KLHL6: variants seen among roughly 807,000 people sequenced by gnomAD.
The protein encoded by KLHL6 is kelch like family member 6.
A neutral mutation model predicts 58.6 loss-of-function variants in KLHL6; 41 were observed. That is an observed-to-expected ratio of 0.70 (90% CI 0.55 to 0.91). The LOEUF is 0.91. KLHL6 is among the 40% of genes least tolerant of loss of function. KLHL6 has a pLI of 0.00. For missense variants in KLHL6, 714 were observed against 805.6 expected (o/e 0.89, Z 1.38); for synonymous variants, 338 against 322.7 (o/e 1.05, Z -0.51).
At chr3:183,518,981 G>A (rs376929642) in intron 2 of KLHL6, among the ~76,000 whole-genome samples, 1 of 152,164 alleles carries the variant, frequency 6.6e-6, no homozygotes. Context: ...AGAGTGAGGG[G>A]GATGCTAAAC....
chr3:183,522,542 G>A (rs1577191330), intron 2 of KLHL6: 1 of 152,214 alleles, frequency 6.6e-6, no homozygotes, highest in African/African-American at 2.4e-5. Flanking sequence ...TGCCTAGATT[G>A]ACTGGCTTCT....
intron 4 of KLHL6, among the ~76,000 whole-genome samples, chr3:183,494,628 G>A (rs773894840): frequency 4.6e-5 from 7 of 152,214 alleles, no homozygotes; most frequent in African/African-American, 4.8e-5. Context: ...TGGACTCAGT[G>A]TTTGCCCTCA....
intron 4 of KLHL6, among the ~76,000 whole-genome samples, chr3:183,498,933 G>GCGTA (rs1168069229): frequency 6.6e-6 from 1 of 152,224 alleles, no homozygotes; most frequent in Non-Finnish European, 1.5e-5. Context: ...AATTCCCACT[G>GCGTA]CGTAGCTCAG....
chr3:183,495,111 A>G (rs2108663897), intron 4 of KLHL6, among the ~76,000 whole-genome samples: 1 of 152,330 alleles, frequency 6.6e-6, no homozygotes, highest in East Asian at 1.9e-4. Context: ...CATGTGTGCA[A>G]TAGTGGAGAA....
intron 2 of KLHL6, among the ~76,000 whole-genome samples, chr3:183,516,382 G>A (rs778760643): frequency 5.9e-5 from 9 of 152,194 alleles, no homozygotes; most frequent in African/African-American, 9.6e-5. Flanking sequence ...GGCCTGTCCC[G>A]ATGACACATG....
rs867791109 is a variant in KLHL6 at position 183,496,575 on chromosome 3, T to C, written c.1148-2294A>G. Among the ~76,000 whole-genome samples, 3 of 152,358 alleles carry C rather than the reference T, an allele frequency of 2.0e-5. 1 individual carries two copies. The highest frequency in any genetic ancestry group is 7.2e-5 in the African/African-American group (3 of 41,586). On this transcript the variant is annotated intron_variant, in intron 4 of 6. Transcript: ENST00000341319. ...CAAAAAAAGAAAGCTAAAAAAATTA[T>C]GGTTTATCCATTTGGTAGACTGCCA...
At chr3:183,510,262 T>C (rs1718143165) in intron 2 of KLHL6, among the ~76,000 whole-genome samples, 1 of 122,952 alleles carries the variant, frequency 8.1e-6, no homozygotes, top group Admixed American at 1.1e-4. Flanking sequence ...GTTGATCGAT[T>C]AATGGGGGGA....
intron 5 of KLHL6, chr3:183,493,716 G>C (rs1220181474): frequency 7.3e-6 from 2 of 275,096 alleles, no homozygotes; most frequent in African/African-American, 2.2e-5. Context: ...CATGTGTCCA[G>C]TGTGGAGAAG....
chr3:183,532,916 G>A (rs1712206662), intron 1 of KLHL6, among the ~76,000 whole-genome samples: 1 of 152,204 alleles, frequency 6.6e-6, no homozygotes, highest in Admixed American at 6.5e-5. Flanking sequence ...TGCCACTAGA[G>A]TCAAGTATCA....
rs115500013 is a variant in KLHL6 at position 183,515,209 on chromosome 3, C to T, written c.460-6701G>A. Among the ~76,000 whole-genome samples, 234 of 152,240 alleles carry T rather than the reference C, an allele frequency of 1.5e-3. 1 individual carries two copies. Among genetic ancestry groups the T allele is most frequent in the African/African-American group, 4.7e-3 (195 of 41,558 alleles). ...GAAGAGAGCCAGAGTCTTGACTAGA[C>T]GGTGCTTGGAACCCCACCTCTGGAC... On this transcript the variant is annotated intron_variant, in intron 2 of 6. Coordinates refer to ENST00000341319, the MANE Select transcript of KLHL6 (RefSeq NM_130446.4).
intron 1 of KLHL6, among the ~76,000 whole-genome samples, chr3:183,551,447 A>G (rs1432676174): frequency 6.6e-6 from 1 of 152,256 alleles, no homozygotes; most frequent in Non-Finnish European, 1.5e-5. Flanking sequence ...AACAAAGCAA[A>G]TGAAAAAATG....
chr3:183,532,474 T>C (rs1284766997), intron 1 of KLHL6, among the ~76,000 whole-genome samples: 1 of 152,246 alleles, frequency 6.6e-6, no homozygotes, highest in Non-Finnish European at 1.5e-5. Flanking sequence ...CAGACCCTTG[T>C]AGTTCACAAA....
chr3:183,541,955 A>G (rs1003018491), intron 1 of KLHL6, among the ~76,000 whole-genome samples: 1 of 152,200 alleles, frequency 6.6e-6, no homozygotes, highest in East Asian at 1.9e-4. Context: ...GGTCCTCAGC[A>G]AAGAGTGGAG....
At chr3:183,498,922 G>A (rs1250943745) in intron 4 of KLHL6, among the ~76,000 whole-genome samples, 2 of 152,230 alleles carry the variant, frequency 1.3e-5, no homozygotes, top group African/African-American at 2.4e-5. Context: ...ACTCATTACT[G>A]AATTCCCACT....
intron 2 of KLHL6, among the ~76,000 whole-genome samples, chr3:183,524,591 G>A (rs924631629): frequency 1.3e-5 from 2 of 152,160 alleles, no homozygotes; most frequent in East Asian, 1.9e-4. Context: ...AGCTCATGAC[G>A]TTGCCTGGCC....
At chr3:183,536,418 C>T (rs1712367982) in intron 1 of KLHL6, among the ~76,000 whole-genome samples, 1 of 152,218 alleles carries the variant, frequency 6.6e-6, no homozygotes, top group Non-Finnish European at 1.5e-5. Flanking sequence ...TGTGAGTTTG[C>T]ATGTGCACAA....
At position 183,494,122 on chromosome 3, in the gene KLHL6, T is replaced by C. The variant is rs550130534; in HGVS notation, c.1307A>G (p.Asn436Ser). The C allele has an allele frequency of 1.2e-6, 2 of 1,614,218 alleles. No individual in the cohort carries two copies. The highest frequency in any genetic ancestry group is 1.1e-5 in the South Asian group (1 of 91,078). ...IGGFDGLQRI[N>S]NVETYDPFHN... is the part of the protein sequence containing the mutation. Reference sequence around the variant, plus strand: ...AAAGGGGTCGTAGGTCTCCACATTGTTGATTCTCTGTAAGCCGTCAAAGCC... The same window carrying C: ...AAAGGGGTCGTAGGTCTCCACATTGCTGATTCTCTGTAAGCCGTCAAAGCC... Residue 436 changes from asparagine (N) to serine (S), a missense_variant, in exon 5 of 7, where the codon AAC becomes AGC. Asn to Ser is a conservative substitution (Grantham distance 46). Around this residue, in one of 2 missense-constraint regions of KLHL6, gnomAD observed 510 missense variants for 629.7 expected, o/e 0.81. Coordinates refer to ENST00000341319, the MANE Select transcript of KLHL6 (RefSeq NM_130446.4).
Position 183,499,820 on chromosome 3 carries a change from G to A in KLHL6, c.917C>T (p.Ser306Leu), listed in dbSNP as rs1460869404. 19 of 1,574,906 alleles carry A rather than the reference G, an allele frequency of 1.2e-5. No individual in the cohort carries two copies. Among genetic ancestry groups the A allele is most frequent in the South Asian group, 2.3e-5 (2 of 85,142 alleles). ...MYHLSGNEII[S>L]ERTKPRMHEF... ...ATGCATCCTGGGCTTGGTGCGTTCCGAAATGATCTGGAAATCGATGGGGGT... is the reference window on the plus strand; with the variant it reads ...ATGCATCCTGGGCTTGGTGCGTTCCAAAATGATCTGGAAATCGATGGGGGT... Residue 306 changes from serine (S) to leucine (L), a missense_variant, in exon 4 of 7, where the codon TCG (serine) becomes TTG (leucine). Transcript: ENST00000341319. The surrounding 1 kb of genome is among the most constrained non-coding windows in gnomAD (Gnocchi z 4.6).
chr3:183,521,918 C>G (rs1443808494), intron 2 of KLHL6: 1 of 150,050 alleles, frequency 6.7e-6, no homozygotes, highest in Non-Finnish European at 1.5e-5. Flanking sequence ...TGGTCTCGAA[C>G]TCCTGACCTC....
Sources: allele counts gnomAD v4.1 joint callset (sites outside exome capture counted in the v4.1 genomes callset), GRCh38; gene constraint gnomAD v4.1.1; regional missense constraint gnomAD v4.1.1; non-coding constraint Gnocchi (gnomAD v3.1); transcripts MANE v1.5; gene names NCBI Gene and HGNC (gene_info 2026-07-23, HGNC 2026-07-21).